CEP57: variants seen among roughly 807,000 people sequenced by gnomAD.
CEP57 encodes centrosomal protein of 57 kDa.
A neutral mutation model predicts 68.0 loss-of-function variants in CEP57; 40 were observed. That is an observed-to-expected ratio of 0.59 (90% CI 0.46 to 0.77). CEP57 has a LOEUF of 0.77. CEP57 is among the 30% of genes least tolerant of loss of function. The pLI is 0.00. For missense variants in CEP57, 606 were observed against 580.7 expected, an observed-to-expected ratio of 1.04 and a Z score of -0.45; for synonymous variants, 219 against 198.7, an observed-to-expected ratio of 1.10 and a Z score of -0.86.
At chr11:95,830,010 G>A (rs1862935461) in intron 10 of CEP57, among the ~76,000 whole-genome samples, 1 of 152,128 alleles carries the variant, frequency 6.6e-6, no homozygotes, top group Non-Finnish European at 1.5e-5. Flanking sequence ...GAGTTAGGAT[G>A]GTGATTCCAC....
In CEP57 at chr11:95,827,807, G is replaced by C; in HGVS notation, c.907G>C (p.Val303Leu). ...AGKSTSPSHA[V>L]VANVQLVLHL... ...TTAGTCCACAAGCCCTAGCCATGCCGTGGTAGCCAATGTTCAGCTTGTCTT... is the reference window on the plus strand; with the variant it reads ...TTAGTCCACAAGCCCTAGCCATGCCCTGGTAGCCAATGTTCAGCTTGTCTT... Residue 303 changes from valine to leucine, a missense_variant, in exon 9 of 11, where the codon GTG becomes CTG. Physicochemically the swap from Val to Leu is conservative, Grantham distance 32 (BLOSUM62 1). Transcript: ENST00000325542. 1 of 1,614,002 alleles carries C rather than the reference G, an allele frequency of 6.2e-7. No individual in the cohort carries two copies. Among genetic ancestry groups the C allele is most frequent in the Middle Eastern group, 1.7e-4 (1 of 6,060 alleles).
intron 8 of CEP57, among the ~76,000 whole-genome samples, chr11:95,825,384 G>A (rs988969251): frequency 2.0e-5 from 3 of 152,176 alleles, no homozygotes; most frequent in East Asian, 1.9e-4. Context: ...AAGGTTGGAG[G>A]TGAAGGATTT....
intron 8 of CEP57, chr11:95,822,789 A>T (rs1329283150): frequency 1.3e-5 from 7 of 550,496 alleles, no homozygotes; most frequent in Admixed American, 9.0e-5. Context: ...TAGATAAAGT[A>T]TATGTGGAAA....
In CEP57 at chr11:95,809,143, T is replaced by G. The variant is rs569670521; in HGVS notation, c.203-3789T>G. Among the ~76,000 whole-genome samples, 3 of 152,278 alleles carry G rather than the reference T, an allele frequency of 2.0e-5. No individual in the cohort carries two copies. The South Asian group carries it at 6.2e-4, about 32-fold the overall frequency. Reference sequence around the variant, plus strand: ...AATGAAGGCAGAAATAAAGATGTTCTTTGAAACCAACGAGAACAAAGACAC... The same window carrying G: ...AATGAAGGCAGAAATAAAGATGTTCGTTGAAACCAACGAGAACAAAGACAC... On this transcript the variant is annotated intron_variant, in intron 2 of 10. Coordinates refer to ENST00000325542, the MANE Select transcript of CEP57 (RefSeq NM_014679.5).
intron 8 of CEP57, among the ~76,000 whole-genome samples, chr11:95,823,424 GA>G (rs1369562700): frequency 6.6e-6 from 1 of 151,706 alleles, no homozygotes; most frequent in Non-Finnish European, 1.5e-5. Context: ...TTGGCAATTT[GA>G]AAAAACTTGC....
At chr11:95,818,668 A>G (rs1435482390) in intron 5 of CEP57, among the ~76,000 whole-genome samples, 159 bp from the exon 6 acceptor site, 2 of 152,228 alleles carry the variant, frequency 1.3e-5, no homozygotes, top group Non-Finnish European at 2.9e-5. Context: ...AAAGGAGAGC[A>G]TCATGGATGC....
At position 95,832,665 on chromosome 11, in the gene CEP57, GTC is replaced by G. The variant is rs1863059596; in HGVS notation, c.*1410_*1411del. On this transcript the variant is annotated 3_prime_UTR_variant, in exon 11 of 11. Transcript: ENST00000325542. ...TGTTATCTCCTTGTTTGAATTTCAG[GTC>G]ATTAAATTGTATAACCATCATTTGA... 6.6e-6 allele frequency: 1 copy of G among 152,102 alleles called. No individual in the cohort carries two copies. The allele number at this position is 152,102 out of a possible 1,614,324, so 9.4% of individuals were successfully genotyped here.
chr11:95,829,606 T>C (rs1004152063), intron 10 of CEP57, among the ~76,000 whole-genome samples: 5 of 152,226 alleles, frequency 3.3e-5, no homozygotes, highest in Admixed American at 3.3e-4. Context: ...TGAATTTAAA[T>C]TGGAGTTTAT....
intron 2 of CEP57, among the ~76,000 whole-genome samples, chr11:95,806,088 T>G (rs1303516381): frequency 6.6e-6 from 1 of 152,186 alleles, no homozygotes; most frequent in East Asian, 1.9e-4. Flanking sequence ...TCTGACCCAA[T>G]TATAAAAGTG....
chr11:95,813,858 T>A (rs1298232186), intron 4 of CEP57, among the ~76,000 whole-genome samples: 1 of 152,234 alleles, frequency 6.6e-6, no homozygotes, highest in East Asian at 1.9e-4. Flanking sequence ...TTATAAAAAG[T>A]GTAAATAACC....
At chr11:95,818,257 C>T (rs2135339935) in intron 5 of CEP57, among the ~76,000 whole-genome samples, 1 of 151,968 alleles carries the variant, frequency 6.6e-6, no homozygotes, top group East Asian at 1.9e-4. Context: ...ACTAAAAATA[C>T]AAAAATTAGC....
chr11:95,790,484 T>G (rs958392552), upstream of CEP57: 6 of 603,914 alleles, frequency 9.9e-6, no homozygotes, highest in Non-Finnish European at 1.8e-5. Flanking sequence ...AGACGTCCGT[T>G]AGGACGTGTT....
intron 2 of CEP57, among the ~76,000 whole-genome samples, chr11:95,807,671 AAAG>A (rs2135294299): frequency 6.6e-6 from 1 of 152,326 alleles, no homozygotes; most frequent in African/African-American, 2.4e-5. Context: ...TTTAGAGAAA[AAAG>A]AGTAAAAAGA....
chr11:95,818,817 T>A lies in CEP57; in HGVS notation c.622-10T>A. On this transcript the variant is annotated splice_polypyrimidine_tract_variant and intron_variant, in intron 5 of 10. Coordinates refer to ENST00000325542, the MANE Select transcript of CEP57 (RefSeq NM_014679.5). ...TTCACCTTTATCCCTTTTGACATTTTTATCACTAGAAAAAAATGCAAGAGT... is the reference window on the plus strand; with the variant it reads ...TTCACCTTTATCCCTTTTGACATTTATATCACTAGAAAAAAATGCAAGAGT... 1 of 1,611,744 alleles carries A rather than the reference T, an allele frequency of 6.2e-7. No homozygotes were observed. Among genetic ancestry groups the A allele is most frequent in the Admixed American group, 1.7e-5 (1 of 60,004 alleles).
intron 2 of CEP57, among the ~76,000 whole-genome samples, chr11:95,806,400 G>A (rs187913463): frequency 9.3e-4 from 141 of 152,292 alleles, no homozygotes; most frequent in Non-Finnish European, 1.6e-3. Context: ...AGTCCATGGA[G>A]TATGAGCCGA....
At chr11:95,795,705 T>C in intron 1 of CEP57, 1 of 434,760 alleles carries the variant, frequency 2.3e-6, no homozygotes, top group Non-Finnish European at 4.1e-6. Flanking sequence ...TGTTGAATTT[T>C]ATTGAATGCT....
At chr11:95,830,155 C>T (rs1862940291) in intron 10 of CEP57, among the ~76,000 whole-genome samples, 1 of 152,148 alleles carries the variant, frequency 6.6e-6, no homozygotes, top group African/African-American at 2.4e-5. Context: ...CAAAAGGCTT[C>T]TGAGGTGGGT....
intron 8 of CEP57, chr11:95,823,261 T>C (rs1167919242): frequency 1.3e-5 from 2 of 152,358 alleles, no homozygotes; most frequent in Non-Finnish European, 2.9e-5. Context: ...AAATTCGCAG[T>C]GAAATCATGG....
rs1429202474 is a variant in CEP57, at chr11:95,831,995, T to C, written c.*739T>C. On this transcript the variant is annotated 3_prime_UTR_variant, in exon 11 of 11. Coordinates refer to ENST00000325542, the MANE Select transcript of CEP57 (RefSeq NM_014679.5). ...GGAGAAGGGATATGTTGTGAGCATA[T>C]ACCTTCACAGTTCTTAATACCTGTT... 1.3e-5 allele frequency: 2 copies of C among 152,140 alleles called. No homozygotes were observed. The highest frequency in any genetic ancestry group is 2.9e-5 in the Non-Finnish European group (2 of 68,004). The allele number at this position is 152,140 out of a possible 1,614,324, so 9.4% of individuals were successfully genotyped here.
Sources: gnomAD v4.1 joint callset for allele counts (sites outside exome capture counted in the v4.1 genomes callset) on GRCh38, gnomAD v4.1.1 for gene constraint, MANE v1.5 for transcripts, NCBI Gene and HGNC (gene_info 2026-07-23, HGNC 2026-07-21) for gene names.